THSD7B: variants seen among roughly 807,000 people sequenced by gnomAD.
The protein encoded by THSD7B is thrombospondin type-1 domain-containing protein 7B.
Under a neutral mutation model 213.6 loss-of-function variants are expected in THSD7B, and 138 were observed. The observed-to-expected ratio is 0.65, with a 90% CI of 0.56 to 0.74. The LOEUF is 0.74. THSD7B is among the 30% of genes least tolerant of loss of function. The pLI is 0.00. For synonymous variants in THSD7B, 742 were observed against 687.0 expected (o/e 1.08, Z -1.25); for missense variants, 1,931 against 1,991.5 (o/e 0.97, Z 0.58).
rs186150181 is a variant in THSD7B, at chr2:137,677,029, T to C, written c.*424T>C. 5.6e-3 allele frequency: 858 copies of C among 153,808 alleles called. 11 individuals are homozygous for C. The highest frequency in any genetic ancestry group is 0.02 in the African/African-American group (820 of 41,642). 9.5% of individuals were successfully genotyped at this position (153,808 alleles called of 1,614,324 possible). ...TACGCACTATATTAGTGCAAAGTCT[T>C]TATTCTTCCCATACTTCAACACTGA... is the stretch of plus-strand genomic sequence containing the variant. On this transcript the variant is annotated 3_prime_UTR_variant, in exon 28 of 28. Coordinates refer to ENST00000409968, the MANE Select transcript of THSD7B (RefSeq NM_001316349.2).
intron 15 of THSD7B, among the ~76,000 whole-genome samples, chr2:137,553,424 G>C (rs1055324705): frequency 6.6e-5 from 10 of 152,154 alleles, no homozygotes; most frequent in African/African-American, 2.4e-4. Context: ...TAGAGAAGCA[G>C]TATCAGAAAG....
At chr2:137,293,374 G>C (rs1030206271) in intron 12 of THSD7B, among the ~76,000 whole-genome samples, 2 of 152,034 alleles carry the variant, frequency 1.3e-5, no homozygotes, top group East Asian at 3.9e-4. Context: ...CTGAGCTCAA[G>C]TGATTTATCT....
At chr2:137,018,448 A>G (rs1686382828) in intron 2 of THSD7B, among the ~76,000 whole-genome samples, 1 of 152,210 alleles carries the variant, frequency 6.6e-6, no homozygotes, top group South Asian at 2.1e-4. Flanking sequence ...ATCTCTGGAA[A>G]GGTACATATC....
At chr2:137,010,567 G>A (rs1355554784) in intron 2 of THSD7B, among the ~76,000 whole-genome samples, 1 of 152,002 alleles carries the variant, frequency 6.6e-6, no homozygotes, top group East Asian at 1.9e-4. Flanking sequence ...TGTAAGGTGT[G>A]TAAGGGGCAG....
At chr2:137,160,155 A>G (rs776785800) in intron 5 of THSD7B, 58 bp from the exon 6 acceptor site, 1 of 1,533,306 alleles carries the variant, frequency 6.5e-7, no homozygotes, top group Non-Finnish European at 8.8e-7. Context: ...TAAAGGCAGA[A>G]GCAATGCTAA....
chr2:137,312,513 C>A (rs1204039478), intron 12 of THSD7B, among the ~76,000 whole-genome samples: 2 of 150,968 alleles, frequency 1.3e-5, no homozygotes, highest in Non-Finnish European at 2.9e-5. Flanking sequence ...TCCTTCAGTT[C>A]TGCTCTGATT....
chr2:137,095,230 C>G, intron 4 of THSD7B, 109 bp downstream of exon 4: 1 of 1,434,940 alleles, frequency 7.0e-7, no homozygotes, highest in East Asian at 2.4e-5. Context: ...AGTCTTCACT[C>G]AGTATACAAG....
At chr2:137,468,043 A>C (rs1688026221) in intron 15 of THSD7B, among the ~76,000 whole-genome samples, 1 of 152,224 alleles carries the variant, frequency 6.6e-6, no homozygotes, top group East Asian at 1.9e-4. Flanking sequence ...AAGAAAACTA[A>C]GCCTAATATT....
Position 137,505,844 on chromosome 2 carries a change from T to G in THSD7B, c.3138+54821T>G, listed in dbSNP as rs142579325. Among the ~76,000 whole-genome samples, 168 of 152,274 alleles carry G rather than the reference T, an allele frequency of 1.1e-3. 2 individuals are homozygous for G. The highest frequency in any genetic ancestry group is 6.8e-3 in the Middle Eastern group (2 of 294). The stretch of plus-strand genomic sequence containing the variant: ...GGAGTGCAGGGACTGTGATAAGAGC[T>G]TCTATCATGGTTTTCCAGGGAAGAA... On this transcript the variant is annotated intron_variant, in intron 15 of 27. Coordinates refer to ENST00000409968, the MANE Select transcript of THSD7B (RefSeq NM_001316349.2).
intron 3 of THSD7B, among the ~76,000 whole-genome samples, chr2:137,073,351 G>A (rs1365142810): frequency 6.6e-6 from 1 of 152,162 alleles, no homozygotes; most frequent in Non-Finnish European, 1.5e-5. Context: ...ATGTGTCGAG[G>A]AATTTATCCA....
At chr2:137,408,068 A>G (rs1239014156) in intron 13 of THSD7B, among the ~76,000 whole-genome samples, 1 of 152,026 alleles carries the variant, frequency 6.6e-6, no homozygotes, top group African/African-American at 2.4e-5. Flanking sequence ...GTTAATGCTG[A>G]TTTTGATTAG....
intron 20 of THSD7B, among the ~76,000 whole-genome samples, chr2:137,638,412 C>A (rs1682874874): frequency 6.6e-6 from 1 of 152,202 alleles, no homozygotes; most frequent in Non-Finnish European, 1.5e-5. Flanking sequence ...GTGCCTTTCA[C>A]CTCCCACCAT....
At chr2:137,012,446 A>G (rs1686249098) in intron 2 of THSD7B, among the ~76,000 whole-genome samples, 1 of 152,358 alleles carries the variant, frequency 6.6e-6, no homozygotes, top group African/African-American at 2.4e-5. Context: ...GGAAAGATGC[A>G]TCTAATCACG....
chr2:137,250,904 C>T (rs1682161051), intron 10 of THSD7B, among the ~76,000 whole-genome samples: 2 of 152,154 alleles, frequency 1.3e-5, no homozygotes, highest in African/African-American at 4.8e-5. Context: ...AGAGTTTGTT[C>T]TGACCCTTCT....
At chr2:137,251,789 TTTAAATTAACTTCC>T (rs1431983689) in intron 10 of THSD7B, among the ~76,000 whole-genome samples, 1 of 152,206 alleles carries the variant, frequency 6.6e-6, no homozygotes, top group Admixed American at 6.5e-5. Flanking sequence ...ACTCTGCATT[TTTAAATTAACTTCC>T]TTAGTGATTC....
chr2:137,303,761 T>C (rs772333376), intron 12 of THSD7B, among the ~76,000 whole-genome samples: 13 of 144,632 alleles, frequency 9.0e-5, no homozygotes, highest in Non-Finnish European at 1.5e-4. Flanking sequence ...TACAGATATA[T>C]AGTTTCAAAT....
chr2:137,433,474 A>C (rs1027995376), intron 14 of THSD7B, among the ~76,000 whole-genome samples: 25 of 151,854 alleles, frequency 1.6e-4, no homozygotes, highest in African/African-American at 5.6e-4. Context: ...CTCCTGCCTC[A>C]GCCTCCCAAG....
chr2:136,978,726 T>C (rs2104805888), intron 2 of THSD7B, among the ~76,000 whole-genome samples: 1 of 152,310 alleles, frequency 6.6e-6, no homozygotes, highest in East Asian at 1.9e-4. Flanking sequence ...TGATGGGTCT[T>C]GACTCTTTAT....
chr2:136,900,594 C>T (rs1684046581), intron 2 of THSD7B, among the ~76,000 whole-genome samples: 1 of 152,276 alleles, frequency 6.6e-6, no homozygotes, highest in South Asian at 2.1e-4. Flanking sequence ...GATCTGTTTC[C>T]TATACCTAAT....
Sources: gnomAD v4.1 joint callset for allele counts (sites outside exome capture counted in the v4.1 genomes callset) on GRCh38, gnomAD v4.1.1 for gene constraint, MANE v1.5 for transcripts, NCBI Gene and HGNC (gene_info 2026-07-23, HGNC 2026-07-21) for gene names.